PPHLN1: variants seen among roughly 807,000 people sequenced by gnomAD.
The protein encoded by PPHLN1 is periphilin-1.
A neutral mutation model predicts 51.3 loss-of-function variants in PPHLN1; 29 were observed. The ratio of observed to expected loss-of-function variants is 0.57; its 90% CI spans 0.42 to 0.77. The LOEUF is 0.77. Ranked by LOEUF, PPHLN1 falls within the 30% of genes least tolerant of loss-of-function variation. The pLI is 0.00. For missense variants in PPHLN1, 436 were observed against 438.4 expected (o/e 0.99, Z 0.05); for synonymous variants, 147 against 147.8 (o/e 0.99, Z 0.04).
At chr12:42,415,481 A>G (rs2080293494) in intron 9 of PPHLN1, among the ~76,000 whole-genome samples, 1 of 152,096 alleles carries the variant, frequency 6.6e-6, no homozygotes, top group East Asian at 1.9e-4. Flanking sequence ...AAAACCTGTC[A>G]TTTTCTTTGA....
chr12:42,438,041 A>C (rs1035822426), intron 9 of PPHLN1, among the ~76,000 whole-genome samples: 4 of 152,140 alleles, frequency 2.6e-5, no homozygotes, highest in African/African-American at 9.7e-5. Flanking sequence ...ATTCCATTGT[A>C]TGAGTATACT....
chr12:42,358,824 T>G (rs1290096895), intron 4 of PPHLN1, among the ~76,000 whole-genome samples: 3 of 152,218 alleles, frequency 2.0e-5, no homozygotes, highest in Non-Finnish European at 4.4e-5. Flanking sequence ...TACATAATAT[T>G]TTCATGAAAT....
chr12:42,442,929 C>T (rs866559938), downstream of PPHLN1: 4 of 917,488 alleles, frequency 4.4e-6, no homozygotes, highest in South Asian at 8.2e-5. Context: ...TGTTGTTTCC[C>T]ATAACCCATG....
chr12:42,429,689 C>T (rs1195084842), intron 9 of PPHLN1, among the ~76,000 whole-genome samples: 1 of 152,178 alleles, frequency 6.6e-6, no homozygotes, highest in Non-Finnish European at 1.5e-5. Context: ...AATTCCAGTG[C>T]TTTAACATAG....
intron 7 of PPHLN1, among the ~76,000 whole-genome samples, chr12:42,391,277 C>T (rs1477643463): frequency 6.6e-6 from 1 of 152,130 alleles, no homozygotes; most frequent in Non-Finnish European, 1.5e-5. Flanking sequence ...TTCACTCTGT[C>T]GTCCAGGCTG....
intron 2 of PPHLN1, chr12:42,351,472 G>T (rs574195474): frequency 6.6e-6 from 1 of 152,500 alleles, no homozygotes; most frequent in Admixed American, 6.5e-5. Flanking sequence ...TTGCTTGTGG[G>T]TAAATAGCTT....
In PPHLN1 at chr12:42,335,215, A is replaced by AC. The variant is rs570057319; in HGVS notation, c.-20-660dup. ...ATTTATGAAAAGAATACACCGTCCC[A>AC]CCCCCCCCTTCTCTGAATCCCAAAC... On this transcript the variant is annotated intron_variant, in intron 1 of 9. Transcript: ENST00000358314. Among the ~76,000 whole-genome samples, 457 of 149,378 alleles carry AC rather than the reference A, an allele frequency of 3.1e-3. 1 individual carries two copies. The highest frequency in any genetic ancestry group is 9.2e-3 in the African/African-American group (371 of 40,458).
chr12:42,435,667 A>G (rs1359340378), intron 9 of PPHLN1, among the ~76,000 whole-genome samples: 2 of 152,066 alleles, frequency 1.3e-5, no homozygotes, highest in Non-Finnish European at 2.9e-5. Context: ...CTTTTTTTTA[A>G]CTTATTTTTA....
At chr12:42,335,848 A>T in intron 1 of PPHLN1, 35 bp from the exon 2 acceptor site, 1 of 1,252,316 alleles carries the variant, frequency 8.0e-7, no homozygotes, top group Non-Finnish European at 1.1e-6. Context: ...GTTACTTCCT[A>T]GTATAAAATC....
At chr12:42,400,561 T>C (rs889651621) in intron 9 of PPHLN1, 2 of 152,004 alleles carry the variant, frequency 1.3e-5, no homozygotes, top group Admixed American at 6.5e-5. Context: ...AACTACTGTA[T>C]AGAATCTCAC....
chr12:42,411,182 AAAG>A (rs1188717538), intron 9 of PPHLN1, among the ~76,000 whole-genome samples: 1 of 151,522 alleles, frequency 6.6e-6, no homozygotes, highest in African/African-American at 2.4e-5. Context: ...ATATCTTGTG[AAAG>A]ACTATCTCTA....
At chr12:42,403,712 G>A (rs1020327374) in intron 9 of PPHLN1, among the ~76,000 whole-genome samples, 2 of 152,134 alleles carry the variant, frequency 1.3e-5, no homozygotes, top group Non-Finnish European at 2.9e-5. Flanking sequence ...AAGGGATGAG[G>A]CCATCTTGCA....
At position 42,365,700 on chromosome 12, in the gene PPHLN1, A is replaced by T. The variant is rs1046835474; in HGVS notation, c.300-9163A>T. 2.6e-5 allele frequency among the ~76,000 whole-genome samples: 4 copies of T among 152,122 alleles called. No individual in the cohort carries two copies. In the East Asian group the frequency reaches 7.7e-4, roughly 29 times the overall value. ...CTTCCCTTCCTCCATTCTCCTGATG[A>T]CTTTGCGTCTTTTATATGCCAGCCA... On this transcript the variant is annotated intron_variant, in intron 4 of 9. Transcript: ENST00000358314.
At chr12:42,355,762 A>AC (rs1423772335) in intron 4 of PPHLN1, 1 of 152,318 alleles carries the variant, frequency 6.6e-6, no homozygotes, top group Non-Finnish European at 1.5e-5. Context: ...AAAAAAAAAA[A>AC]AAAAAGAACT....
chr12:42,404,801 A>G (rs2079148748), intron 9 of PPHLN1, among the ~76,000 whole-genome samples: 1 of 152,172 alleles, frequency 6.6e-6, no homozygotes, highest in Non-Finnish European at 1.5e-5. Flanking sequence ...AGGCTGAAGC[A>G]GGCGGATCAC....
intron 4 of PPHLN1, among the ~76,000 whole-genome samples, chr12:42,358,449 G>C (rs1162045737): frequency 6.6e-6 from 1 of 152,166 alleles, no homozygotes; most frequent in African/African-American, 2.4e-5. Flanking sequence ...TGAATGCAAT[G>C]GTGTGATCAT....
intron 2 of PPHLN1, 30 bp from the exon 3 acceptor site, chr12:42,351,855 T>G: frequency 6.6e-7 from 1 of 1,522,380 alleles, no homozygotes; most frequent in Non-Finnish European, 8.7e-7. Context: ...AAATTAGTCA[T>G]TTGTATATAT....
chr12:42,345,825 C>T (rs61926563), intron 2 of PPHLN1, among the ~76,000 whole-genome samples: 24,694 of 151,730 alleles, frequency 0.16, 2,057 homozygotes, highest in Admixed American at 0.2. Flanking sequence ...ATAGTCTTTA[C>T]AAGTCATAAT....
intron 8 of PPHLN1, among the ~76,000 whole-genome samples, chr12:42,395,156 A>T (rs1364622548): frequency 6.6e-6 from 1 of 152,034 alleles, no homozygotes; most frequent in Non-Finnish European, 1.5e-5. Context: ...ATCTAGAAAG[A>T]CTTTTTAAAC....
Sources: gnomAD v4.1 joint callset for allele counts (sites outside exome capture counted in the v4.1 genomes callset) on GRCh38, gnomAD v4.1.1 for gene constraint, MANE v1.5 for transcripts, NCBI Gene and HGNC (gene_info 2026-07-23, HGNC 2026-07-21) for gene names.